Variants in UPF1 observed in about 807,000 individuals in gnomAD.
UPF1 encodes the protein UPF1 RNA helicase and ATPase, also known as regulator of nonsense transcripts 1.
A neutral mutation model predicts 129.2 loss-of-function variants in UPF1; 9 were observed. That is an observed-to-expected ratio of 0.07 (90% CI 0.04 to 0.12). UPF1 has a LOEUF of 0.12. UPF1 is among the 10% of genes least tolerant of loss of function. The pLI, the probability that UPF1 is intolerant of heterozygous loss-of-function variation, is 1.00. For synonymous variants in UPF1, 649 were observed against 644.9 expected, an observed-to-expected ratio of 1.01 and a Z score of -0.10; for missense variants, 788 against 1,525.3, an observed-to-expected ratio of 0.52 and a Z score of 8.05.
At position 18,866,082 on chromosome 19, in the gene UPF1, C is replaced by G. The variant is rs772972480; in HGVS notation, c.3276C>G (p.Asp1092Glu). 1 of 1,613,298 alleles carries G rather than the reference C, an allele frequency of 6.2e-7. No homozygotes were observed. Among genetic ancestry groups the G allele is most frequent in the East Asian group, 2.2e-5 (1 of 44,872 alleles). ...YLGDEFKSQIDVALSQDSTYQ... is the reference protein window; with the variant it reads ...YLGDEFKSQIEVALSQDSTYQ... Reference sequence around the variant, plus strand: ...GTGACGAGTTTAAATCACAAATCGACGTGGCGCTCTCACAGGACTCCACGT... The same window carrying G: ...GTGACGAGTTTAAATCACAAATCGAGGTGGCGCTCTCACAGGACTCCACGT... Residue 1092 changes from aspartate (D) to glutamate (E), a missense_variant, in exon 23 of 24, where the codon GAC becomes GAG. By Grantham distance (45) the Asp-to-Glu change is conservative. Coordinates refer to ENST00000262803, the MANE Select transcript of UPF1 (RefSeq NM_002911.4).
At chr19:18,855,421 A>G in intron 11 of UPF1, 179 bp downstream of exon 11, 1 of 720,506 alleles carries the variant, frequency 1.4e-6, no homozygotes, top group South Asian at 1.9e-5. Flanking sequence ...CAACCTTAGG[A>G]TTGCATTTTA....
chr19:18,851,992 C>G lies in UPF1; in HGVS notation c.811-143C>G. The G allele has an allele frequency of 1.6e-6, 2 of 1,231,492 alleles. No homozygotes were observed. The highest frequency in any genetic ancestry group is 3.3e-5 in the Admixed American group (1 of 30,376). The allele number at this position is 1,231,492 out of a possible 1,614,324, so 76.3% of individuals were successfully genotyped here. A position where few individuals can be genotyped will look rare whatever the true frequency, so the allele number is the denominator to read the frequency against. ...AGGGTTCTCCTTGCAGGTGGGGCTG[C>G]GCCAGAACCCCTCCATGCCACCCAC... On this transcript the variant is annotated intron_variant, in intron 5 of 23. Transcript: ENST00000262803. This position sits in a 1 kb window ranked among gnomAD's most constrained non-coding sequence, Gnocchi z 4.2.
In UPF1 at chr19:18,850,566, G is replaced by T. The variant is rs927490378; in HGVS notation, c.630-122G>T. The stretch of plus-strand genomic sequence containing the variant: ...ATTACTAACAGTTTGAAGGTAATGT[G>T]ATCACATAATAAAATGCAGGGCATG... On this transcript the variant is annotated intron_variant, in intron 4 of 23. Coordinates refer to ENST00000262803, the MANE Select transcript of UPF1 (RefSeq NM_002911.4). The surrounding 1 kb of genome is among the most constrained non-coding windows in gnomAD (Gnocchi z 7.1). 2.7e-6 allele frequency: 3 copies of T among 1,127,642 alleles called. No homozygotes were observed. The highest frequency in any genetic ancestry group is 3.6e-6 in the Non-Finnish European group (3 of 825,932). 69.9% of individuals were successfully genotyped at this position (1,127,642 alleles called of 1,614,324 possible).
intron 12 of UPF1, 42 bp from the exon 13 acceptor site, chr19:18,856,144 G>A (rs1426818714): frequency 1.9e-6 from 3 of 1,606,980 alleles, no homozygotes; most frequent in South Asian, 2.2e-5. Flanking sequence ...CGGGTGACAT[G>A]TACAGAACTC....
At chr19:18,845,739 C>T (rs544568286) in intron 1 of UPF1, among the ~76,000 whole-genome samples, 2 of 152,048 alleles carry the variant, frequency 1.3e-5, no homozygotes, top group South Asian at 2.1e-4. Context: ...GGACATGGCT[C>T]TGTGGCTAGG....
intron 16 of UPF1, 148 bp from the exon 17 acceptor site, chr19:18,860,678 G>GT: frequency 2.5e-6 from 3 of 1,212,680 alleles, no homozygotes; most frequent in Non-Finnish European, 3.4e-6. Flanking sequence ...GACTCCCCTG[G>GT]TGAAGGCTGG....
At chr19:18,860,533 C>T in intron 16 of UPF1, 95 bp downstream of exon 16, 2 of 1,260,008 alleles carry the variant, frequency 1.6e-6, no homozygotes, top group South Asian at 2.6e-5. Context: ...GGGACTGAAA[C>T]TTTTTTTGCC....
intron 13 of UPF1, 45 bp downstream of exon 13, chr19:18,856,345 C>T: frequency 1.9e-6 from 3 of 1,545,958 alleles, no homozygotes; most frequent in Non-Finnish European, 2.6e-6. Flanking sequence ...GGCTGGCGGC[C>T]TGATGGTTTT....
chr19:18,833,441 T>C (rs929539068), intron 1 of UPF1, among the ~76,000 whole-genome samples: 2 of 152,176 alleles, frequency 1.3e-5, no homozygotes, highest in African/African-American at 2.4e-5. Context: ...TGGAAACTTA[T>C]TTTTAATGAT....
chr19:18,843,527 T>TG (rs1305803652), intron 1 of UPF1, among the ~76,000 whole-genome samples: 1 of 148,748 alleles, frequency 6.7e-6, no homozygotes, highest in East Asian at 2.0e-4. Context: ...TGTTTTTTTT[T>TG]TTTTTTTTTG....
rs2055684774 is a variant in UPF1, at chr19:18,853,686, G to A, written c.1156+336G>A. ...TCTGGAGGTTAATGTGGCTGCAGGAGCGCCTTACCTGGACGCTGACTCTGC... is the reference window on the plus strand; with the variant it reads ...TCTGGAGGTTAATGTGGCTGCAGGAACGCCTTACCTGGACGCTGACTCTGC... On this transcript the variant is annotated intron_variant, in intron 8 of 23. Coordinates refer to ENST00000262803, the MANE Select transcript of UPF1 (RefSeq NM_002911.4). This position sits in a 1 kb window ranked among gnomAD's most constrained non-coding sequence, Gnocchi z 4.4. Among the ~76,000 whole-genome samples the A allele has an allele frequency of 6.6e-6, 1 of 152,242 alleles. No individual in the cohort carries two copies. Among genetic ancestry groups the A allele is most frequent in the South Asian group, 2.1e-4 (1 of 4,836 alleles).
At chr19:18,858,483 G>A (rs964956662) in intron 15 of UPF1, among the ~76,000 whole-genome samples, 6 of 152,084 alleles carry the variant, frequency 3.9e-5, no homozygotes, top group South Asian at 2.1e-4. Context: ...AGAGTGTCAC[G>A]AAGTCACATG....
chr19:18,863,682 C>G, intron 19 of UPF1, 70 bp downstream of exon 19: 1 of 1,503,638 alleles, frequency 6.7e-7, no homozygotes, highest in Non-Finnish European at 9.0e-7. Context: ...GGGAACGTGC[C>G]AGCTTGGCCC....
At chr19:18,860,202 G>A (rs752981568) in intron 15 of UPF1, 119 bp from the exon 16 acceptor site, 41 of 1,062,980 alleles carry the variant, frequency 3.9e-5, no homozygotes, top group Non-Finnish European at 5.5e-5. Context: ...CTCACAGATC[G>A]AAGTCTCCTG....
chr19:18,864,502 G>A (rs1437755179), intron 20 of UPF1, among the ~76,000 whole-genome samples: 1 of 152,242 alleles, frequency 6.6e-6, no homozygotes. Context: ...CCTTTTGGTA[G>A]GGCAGGGACT....
chr19:18,831,982 G>A lies in UPF1; in HGVS notation c.-228G>A, dbSNP rs1004585586. ...GCAGTTCCTGCTCTAGGCTGCGAGC[G>A]GCTGGCGGCTTCGAGGGGAGCTGAG... On this transcript the variant is annotated 5_prime_UTR_variant, in exon 1 of 24. Coordinates refer to ENST00000262803, the MANE Select transcript of UPF1 (RefSeq NM_002911.4). The A allele has an allele frequency of 3.8e-5, 11 of 287,182 alleles. No homozygotes were observed. The highest frequency in any genetic ancestry group is 2.5e-4 in the African/African-American group (11 of 44,740). The allele number at this position is 287,182 out of a possible 1,614,324, so 17.8% of individuals were successfully genotyped here.
At position 18,832,099 on chromosome 19, in the gene UPF1, G is replaced by A. The variant is rs2055431321; in HGVS notation, c.-111G>A. 1 of 1,083,728 alleles carries A rather than the reference G, an allele frequency of 9.2e-7. No individual in the cohort carries two copies. The highest frequency in any genetic ancestry group is 1.2e-6 in the Non-Finnish European group (1 of 832,676). 67.1% of individuals were successfully genotyped at this position (1,083,728 alleles called of 1,614,324 possible). A position where few individuals can be genotyped will look rare whatever the true frequency, so the allele number is the denominator to read the frequency against. On this transcript the variant is annotated 5_prime_UTR_variant, in exon 1 of 24. Coordinates refer to ENST00000262803, the MANE Select transcript of UPF1 (RefSeq NM_002911.4). This position sits in a 1 kb window ranked among gnomAD's most constrained non-coding sequence, Gnocchi z 5.6. Reference sequence around the variant, plus strand: ...GGGCGCGCGGTTTGGTCCTTTCCGGGCGCGCGGGGGCGACAGCGGCAGCGA... The same window carrying A: ...GGGCGCGCGGTTTGGTCCTTTCCGGACGCGCGGGGGCGACAGCGGCAGCGA...
At chr19:18,842,673 T>G (rs1184382948) in intron 1 of UPF1, among the ~76,000 whole-genome samples, 1 of 151,858 alleles carries the variant, frequency 6.6e-6, no homozygotes, top group African/African-American at 2.4e-5. Flanking sequence ...TTCCCTCCCC[T>G]TTTTTTCCTT....
chr19:18,853,119 T>A lies in UPF1; in HGVS notation c.1057+48T>A. 6.2e-7 allele frequency: 1 copy of A among 1,611,106 alleles called. No homozygotes were observed. Among genetic ancestry groups the A allele is most frequent in the South Asian group, 1.1e-5 (1 of 90,878 alleles). On this transcript the variant is annotated intron_variant, in intron 7 of 23. Transcript: ENST00000262803. This position sits in a 1 kb window ranked among gnomAD's most constrained non-coding sequence, Gnocchi z 4.4. ...TTGGTTAAGAGGTGATTTTAAGTTTTAAAATATTTGTGACCATAAGTAGCA... is the reference window on the plus strand; with the variant it reads ...TTGGTTAAGAGGTGATTTTAAGTTTAAAAATATTTGTGACCATAAGTAGCA...
Sources: gnomAD v4.1 joint callset for allele counts (sites outside exome capture counted in the v4.1 genomes callset) on GRCh38, gnomAD v4.1.1 for gene constraint, Gnocchi (gnomAD v3.1) non-coding constraint, MANE v1.5 for transcripts, NCBI Gene and HGNC (gene_info 2026-07-23, HGNC 2026-07-21) for gene names.